The following WDR25 variants were observed in gnomAD, a reference collection of about 807,000 sequenced individuals.
WDR25 encodes WD repeat domain 25, also known as WD repeat-containing protein 25.
WDR25 carries 35 observed loss-of-function variants against 47.7 expected under a neutral mutation model. The ratio of observed to expected loss-of-function variants is 0.73; its 90% CI spans 0.56 to 0.97. The LOEUF (loss-of-function observed/expected upper bound fraction) is 0.97. Among genes scored for constraint, WDR25 ranks in the 50% least tolerant of loss-of-function variants. WDR25 has a pLI of 0.00. For synonymous variants in WDR25, 248 were observed against 278.9 expected, an observed-to-expected ratio of 0.89 and a Z score of 1.10; for missense variants, 634 against 704.7, an observed-to-expected ratio of 0.90 and a Z score of 1.14.
At chr14:100,484,471 T>TGTGTGTGTGTGC (rs1900313820) in intron 4 of WDR25, among the ~76,000 whole-genome samples, 1 of 151,836 alleles carries the variant, frequency 6.6e-6, no homozygotes, top group African/African-American at 2.4e-5. Flanking sequence ...TTGGTGTGTG[T>TGTGTGTGTGTGC]GTGTGTGTGT....
rs562454889 is a variant in WDR25 at position 100,525,577 on chromosome 14, C to T, written c.1102-293C>T. ...GTGCCCTTGGCGAGTCAAGGCCCTT[C>T]CCTTTGCGCTTTCCCTGGGATCCTG... On this transcript the variant is annotated intron_variant, in intron 4 of 6. Transcript: ENST00000402312. This position sits in a 1 kb window ranked among gnomAD's most constrained non-coding sequence, Gnocchi z 4.6. 6.6e-6 allele frequency among the ~76,000 whole-genome samples: 1 copy of T among 152,212 alleles called. No homozygotes were observed. The highest frequency in any genetic ancestry group is 2.4e-5 in the African/African-American group (1 of 41,456).
At chr14:100,432,834 A>ATATAC (rs1164763165) in intron 2 of WDR25, among the ~76,000 whole-genome samples, 1 of 152,268 alleles carries the variant, frequency 6.6e-6, no homozygotes, top group Non-Finnish European at 1.5e-5. Flanking sequence ...TGGGAACACC[A>ATATAC]TATAGTGTAC....
chr14:100,520,077 T>C (rs530541736), intron 4 of WDR25, among the ~76,000 whole-genome samples: 45 of 111,346 alleles, frequency 4.0e-4, no homozygotes, highest in African/African-American at 2.3e-3. Context: ...TGTGTGTGTG[T>C]GCATATATAT....
intron 2 of WDR25, chr14:100,454,499 T>A (rs2140272738): frequency 8.2e-7 from 1 of 1,220,992 alleles, no homozygotes; most frequent in East Asian, 5.6e-5. Flanking sequence ...CTCCCACAGC[T>A]AACAACTATA....
At chr14:100,442,829 A>T (rs1177204068) in intron 2 of WDR25, among the ~76,000 whole-genome samples, 4 of 152,258 alleles carry the variant, frequency 2.6e-5, no homozygotes, top group Non-Finnish European at 5.9e-5. Flanking sequence ...TAATAGAAGC[A>T]TAAATGGAGG....
intron 2 of WDR25, among the ~76,000 whole-genome samples, chr14:100,420,356 G>T (rs1188978996): frequency 6.6e-6 from 1 of 151,940 alleles, no homozygotes; most frequent in Non-Finnish European, 1.5e-5. Context: ...ATATCATTTT[G>T]GATCCTGTTT....
At chr14:100,378,680 C>CACA (rs1239205526) in intron 1 of WDR25, among the ~76,000 whole-genome samples, 2 of 26,046 alleles carry the variant, frequency 7.7e-5, no homozygotes, top group African/African-American at 1.5e-4. Flanking sequence ...CCAGGCAGGC[C>CACA]GGGCGCGGTG....
At chr14:100,418,445 A>G (rs557486971) in intron 2 of WDR25, among the ~76,000 whole-genome samples, 2 of 151,592 alleles carry the variant, frequency 1.3e-5, no homozygotes, top group East Asian at 4.0e-4. Flanking sequence ...CATCCTGGCC[A>G]ACACGGTGAA....
At chr14:100,399,833 C>T (rs1266515960) in intron 2 of WDR25, among the ~76,000 whole-genome samples, 2 of 152,122 alleles carry the variant, frequency 1.3e-5, no homozygotes, top group African/African-American at 4.8e-5. Flanking sequence ...TAATCTACTT[C>T]CCTGTGGCTC....
At position 100,526,006 on chromosome 14, in the gene WDR25, G is replaced by T. The variant is rs146109411; in HGVS notation, c.1238G>T (p.Arg413Leu). 34 of 1,613,920 alleles carry T rather than the reference G, an allele frequency of 2.1e-5. No individual in the cohort carries two copies. Among genetic ancestry groups the T allele is most frequent in the Non-Finnish European group, 2.9e-5 (34 of 1,179,968 alleles). Reference protein sequence around the residue: ...ADRTIIAWDFRTSAKISNQIF... With the variant: ...ADRTIIAWDFLTSAKISNQIF... Reference sequence around the variant, plus strand: ...CGCACCATTATTGCCTGGGATTTCCGGACCTCTGCCAAAATCTCCAACCAG... The same window carrying T: ...CGCACCATTATTGCCTGGGATTTCCTGACCTCTGCCAAAATCTCCAACCAG... Residue 413 changes from arginine to leucine, a missense_variant, in exon 5 of 7, where the codon CGG (arginine) becomes CTG (leucine). By Grantham distance (102) the Arg-to-Leu change is moderately radical (BLOSUM62 -2). Transcript: ENST00000402312.
At chr14:100,436,842 C>CA (rs1383694421) in intron 2 of WDR25, among the ~76,000 whole-genome samples, 1 of 152,228 alleles carries the variant, frequency 6.6e-6, no homozygotes, top group East Asian at 1.9e-4. Flanking sequence ...ATGCGCACCC[C>CA]AGAAGCAAAA....
At chr14:100,409,664 C>T (rs1028438064) in intron 2 of WDR25, among the ~76,000 whole-genome samples, 8 of 152,164 alleles carry the variant, frequency 5.3e-5, no homozygotes, top group African/African-American at 1.9e-4. Flanking sequence ...TAACTTTCTA[C>T]AGGAAATTGG....
At chr14:100,489,336 C>T (rs1247664517) in intron 4 of WDR25, among the ~76,000 whole-genome samples, 1 of 152,324 alleles carries the variant, frequency 6.6e-6, no homozygotes, top group African/African-American at 2.4e-5. Context: ...TGTAGAATTG[C>T]AGGAGAAGCC....
chr14:100,481,384 A>G (rs1438496932), intron 3 of WDR25: 1 of 895,654 alleles, frequency 1.1e-6, no homozygotes. Context: ...GTAGCTCTAG[A>G]AACATTTTTA....
At chr14:100,405,815 A>T (rs945270569) in intron 2 of WDR25, among the ~76,000 whole-genome samples, 2 of 152,174 alleles carry the variant, frequency 1.3e-5, no homozygotes, top group African/African-American at 4.8e-5. Context: ...GGCGGATATT[A>T]GTGCTTAAGA....
intron 2 of WDR25, among the ~76,000 whole-genome samples, chr14:100,434,738 C>G (rs1898448475): frequency 6.6e-6 from 1 of 152,166 alleles, no homozygotes; most frequent in Non-Finnish European, 1.5e-5. Context: ...ACTCCAATCC[C>G]TTTTTCCTCT....
intron 3 of WDR25, among the ~76,000 whole-genome samples, chr14:100,476,186 G>A (rs181737863): frequency 5.3e-5 from 8 of 152,328 alleles, no homozygotes; most frequent in Admixed American, 5.2e-4. Context: ...ATTGCTGGCC[G>A]ATGCAGGGCC....
At position 100,500,149 on chromosome 14, in the gene WDR25, G is replaced by A. The variant is rs567550312; in HGVS notation, c.1101+16025G>A. Among the ~76,000 whole-genome samples, 46 of 152,164 alleles carry A rather than the reference G, an allele frequency of 3.0e-4. No homozygotes were observed. Among genetic ancestry groups the A allele is most frequent in the Non-Finnish European group, 6.2e-4 (42 of 68,020 alleles). ...CATCCTCTCTGTGCACCAAGGAGGA[G>A]GGCCAGCCTGACTGGATGGGGCGGC... On this transcript the variant is annotated intron_variant, in intron 4 of 6. Transcript: ENST00000402312. The surrounding 1 kb of genome is among the most constrained non-coding windows in gnomAD (Gnocchi z 4.7).
At chr14:100,422,083 G>A (rs1324546998) in intron 2 of WDR25, among the ~76,000 whole-genome samples, 2 of 152,214 alleles carry the variant, frequency 1.3e-5, no homozygotes, top group Non-Finnish European at 2.9e-5. Context: ...AAACAATAAT[G>A]TTTATTTTGC....
Sources: gnomAD v4.1 joint callset for allele counts (sites outside exome capture counted in the v4.1 genomes callset) on GRCh38, gnomAD v4.1.1 for gene constraint, Gnocchi (gnomAD v3.1) non-coding constraint, MANE v1.5 for transcripts, NCBI Gene and HGNC (gene_info 2026-07-23, HGNC 2026-07-21) for gene names.